MAST4: variants seen among roughly 807,000 people sequenced by gnomAD.
MAST4 encodes the protein microtubule-associated serine/threonine-protein kinase 4.
In MAST4, 89 loss-of-function variants were observed where a neutral mutation model predicts 162.7. The observed-to-expected ratio is 0.55, with a 90% confidence interval of 0.46 to 0.65. The LOEUF is 0.65. Ranked by LOEUF, MAST4 falls within the 30% of genes least tolerant of loss-of-function variation. The pLI is 0.00. For missense variants in MAST4, 3,153 were observed against 3,374.0 expected (o/e 0.93, Z 1.62); for synonymous variants, 1,479 against 1,361.1 (o/e 1.09, Z -1.91).
At chr5:66,672,720 A>G (rs1328856411) in intron 1 of MAST4, among the ~76,000 whole-genome samples, 1 of 152,190 alleles carries the variant, frequency 6.6e-6, no homozygotes, top group Non-Finnish European at 1.5e-5. Flanking sequence ...ACTTCTGGCC[A>G]CCACAAAGAG....
chr5:66,972,571 C>T (rs1747577348), intron 4 of MAST4, among the ~76,000 whole-genome samples: 1 of 150,048 alleles, frequency 6.7e-6, no homozygotes, highest in African/African-American at 2.5e-5. Flanking sequence ...CCATCATCCA[C>T]TAGGAAGTCC....
intron 3 of MAST4, among the ~76,000 whole-genome samples, chr5:66,838,310 A>G (rs1469212203): frequency 1.3e-5 from 2 of 152,096 alleles, no homozygotes; most frequent in Non-Finnish European, 2.9e-5. Flanking sequence ...AACATTGGCT[A>G]TTTTATTTAG....
At chr5:66,618,785 C>T (rs185576371) in intron 1 of MAST4, among the ~76,000 whole-genome samples, 1 of 152,240 alleles carries the variant, frequency 6.6e-6, no homozygotes, top group African/African-American at 2.4e-5. Context: ...ATCGCTAGTG[C>T]ACTTTTTGTA....
At chr5:67,000,367 G>C (rs775130686) in intron 4 of MAST4, among the ~76,000 whole-genome samples, 6 of 152,174 alleles carry the variant, frequency 3.9e-5, no homozygotes, top group Non-Finnish European at 7.3e-5. Flanking sequence ...AGAAAACTAA[G>C]TCTTTTCATA....
chr5:66,925,044 C>G (rs1197199969), intron 4 of MAST4, among the ~76,000 whole-genome samples: 2 of 152,188 alleles, frequency 1.3e-5, no homozygotes, highest in Non-Finnish European at 2.9e-5. Flanking sequence ...TACCCATAAT[C>G]TAACCATGTA....
At chr5:66,912,013 G>T (rs1442371290) in intron 4 of MAST4, among the ~76,000 whole-genome samples, 1 of 152,164 alleles carries the variant, frequency 6.6e-6, no homozygotes, top group Non-Finnish European at 1.5e-5. Flanking sequence ...GTTATTGGGG[G>T]TGGTGGTATA....
At chr5:66,888,613 T>TA (rs1288327053) in intron 3 of MAST4, among the ~76,000 whole-genome samples, 1 of 152,200 alleles carries the variant, frequency 6.6e-6, no homozygotes, top group African/African-American at 2.4e-5. Flanking sequence ...TATCTGATTT[T>TA]AAAAAATTGG....
chr5:67,136,778 AT>A (rs1258606434), intron 19 of MAST4, 114 bp downstream of exon 19: 1 of 735,264 alleles, frequency 1.4e-6, no homozygotes, highest in Non-Finnish European at 2.3e-6. Context: ...CTGTTAGTTG[AT>A]GTAGAACATG....
intron 3 of MAST4, among the ~76,000 whole-genome samples, chr5:66,836,885 T>C (rs1267807222): frequency 6.6e-6 from 1 of 152,098 alleles, no homozygotes; most frequent in Non-Finnish European, 1.5e-5. Context: ...TAAACTCTCA[T>C]AACACACAAT....
At chr5:66,932,259 C>T (rs1176558218) in intron 4 of MAST4, among the ~76,000 whole-genome samples, 1 of 152,126 alleles carries the variant, frequency 6.6e-6, no homozygotes. Context: ...CCCAATTGGG[C>T]ATGGAGAGAG....
rs183870089 is a variant in MAST4, at chr5:67,060,563, C to T, written c.763+6071C>T. On this transcript the variant is annotated intron_variant, in intron 5 of 28. Transcript: ENST00000403625. Reference sequence around the variant, plus strand: ...AGCGATCTCCGCTCACTCTAAGCTCCGCCTCACAGGTTCACACCATTCTCC... The same window carrying T: ...AGCGATCTCCGCTCACTCTAAGCTCTGCCTCACAGGTTCACACCATTCTCC... Among the ~76,000 whole-genome samples the T allele has an allele frequency of 1.5e-4, 22 of 150,888 alleles. No individual in the cohort carries two copies. The East Asian group carries it at 2.7e-3, about 19-fold the overall frequency.
intron 16 of MAST4, 102 bp from the exon 17 acceptor site, chr5:67,133,412 T>C (rs1769236116): frequency 7.8e-7 from 1 of 1,277,756 alleles, no homozygotes; most frequent in Non-Finnish European, 1.1e-6. Flanking sequence ...TTGATGCCCA[T>C]ATATTAAATA....
chr5:66,924,940 A>G (rs1264267514), intron 4 of MAST4, among the ~76,000 whole-genome samples: 1 of 152,182 alleles, frequency 6.6e-6, no homozygotes, highest in Non-Finnish European at 1.5e-5. Context: ...ATTTTATTTT[A>G]CTGTGAAAAT....
At chr5:67,147,517 C>G (rs1432506017) in intron 23 of MAST4, among the ~76,000 whole-genome samples, 2 of 152,162 alleles carry the variant, frequency 1.3e-5, no homozygotes, top group East Asian at 3.8e-4. Flanking sequence ...ACATGTTTCT[C>G]TTTTATCATG....
At chr5:66,788,607 C>CCAACCAAAAAAAAGAAAA in intron 2 of MAST4, 63 bp from the exon 3 acceptor site, 1 of 1,373,728 alleles carries the variant, frequency 7.3e-7, no homozygotes, top group Non-Finnish European at 1.0e-6. Flanking sequence ...CCCCCACCCC[C>CCAACCAAAAAAAAGAAAA]ATTGCAATAA....
intron 4 of MAST4, among the ~76,000 whole-genome samples, chr5:66,914,074 CT>C (rs888782383): frequency 7.9e-5 from 12 of 151,686 alleles, no homozygotes; most frequent in African/African-American, 2.9e-4. Context: ...CTTTGTTCAT[CT>C]TTTTTCAAAG....
chr5:66,851,251 C>T (rs769834717), intron 3 of MAST4, among the ~76,000 whole-genome samples: 5 of 152,212 alleles, frequency 3.3e-5, no homozygotes, highest in African/African-American at 4.8e-5. Context: ...TCTACACTCT[C>T]TATTTTCTGT....
At chr5:66,887,411 C>G (rs1160736518) in intron 3 of MAST4, among the ~76,000 whole-genome samples, 1 of 152,152 alleles carries the variant, frequency 6.6e-6, no homozygotes, top group African/African-American at 2.4e-5. Flanking sequence ...TTATTTAGTA[C>G]TAGCATTAGC....
rs1766590178 is a variant in MAST4, at chr5:67,114,081, G to A, written c.1459-6G>A. On this transcript the variant is annotated splice_region_variant and splice_polypyrimidine_tract_variant and intron_variant, in intron 11 of 28. Coordinates refer to ENST00000403625, the MANE Select transcript of MAST4 (RefSeq NM_001164664.2). ...GAAGTATCCATCTGTGATTGTCTTC[G>A]GCTAGGAATTTGATCCGGAAGAATT... 1.2e-6 allele frequency: 2 copies of A among 1,613,280 alleles called. No homozygotes were observed. Among genetic ancestry groups the A allele is most frequent in the Non-Finnish European group, 1.7e-6 (2 of 1,179,646 alleles).
Sources: allele counts gnomAD v4.1 joint callset (sites outside exome capture counted in the v4.1 genomes callset), GRCh38; gene constraint gnomAD v4.1.1; transcripts MANE v1.5; gene names NCBI Gene and HGNC (gene_info 2026-07-23, HGNC 2026-07-21).